HEATR4: variants seen among roughly 807,000 people sequenced by gnomAD.
The protein encoded by HEATR4 is HEAT repeat-containing protein 4.
HEATR4 carries 95 observed loss-of-function variants against 108.8 expected under a neutral mutation model. That is an observed-to-expected ratio of 0.87 (90% CI 0.74 to 1.04). The LOEUF is 1.04. HEATR4 is among the 50% of genes least tolerant of loss of function. The pLI, the probability that HEATR4 is intolerant of heterozygous loss-of-function variation, is 0.00. For missense variants in HEATR4, 1,152 were observed against 1,253.8 expected (o/e 0.92, Z 1.23); for synonymous variants, 443 against 459.4 (o/e 0.96, Z 0.46).
At chr14:73,501,398 T>G (rs1886450650) in intron 11 of HEATR4, among the ~76,000 whole-genome samples, 1 of 151,970 alleles carries the variant, frequency 6.6e-6, no homozygotes, top group Non-Finnish European at 1.5e-5. Flanking sequence ...GTGCTGGGAT[T>G]ACAGGCATGA....
intron 17 of HEATR4, among the ~76,000 whole-genome samples, chr14:73,482,902 C>A (rs1312811679): frequency 1.3e-5 from 2 of 152,172 alleles, no homozygotes; most frequent in East Asian, 3.9e-4. Flanking sequence ...CTCAGGTGAT[C>A]CACCCATCTC....
the HEATR4 span, among the ~76,000 whole-genome samples, chr14:73,576,254 C>T: frequency 7.2e-5 from 11 of 151,812 alleles, no homozygotes; most frequent in Non-Finnish European, 1.5e-5. Context: ...TGAGTTCCTC[C>T]TTTAAGAATG....
intron 15 of HEATR4, among the ~76,000 whole-genome samples, chr14:73,495,749 C>T (rs1886077223): frequency 6.6e-6 from 1 of 152,190 alleles, no homozygotes; most frequent in African/African-American, 2.4e-5. Context: ...GAATTGCTTG[C>T]TTGATGTGAA....
At chr14:73,584,874 A>G in the HEATR4 span, among the ~76,000 whole-genome samples, 1 of 151,150 alleles carries the variant, frequency 6.6e-6, no homozygotes, top group Non-Finnish European at 1.5e-5. Flanking sequence ...AATTTAGACC[A>G]GTGCATCCCA....
At chr14:73,630,401 C>T in the HEATR4 span, among the ~76,000 whole-genome samples, 6 of 152,338 alleles carry the variant, frequency 3.9e-5, no homozygotes, top group Non-Finnish European at 7.3e-5. Context: ...CCTGTTGCAA[C>T]GTTCTCGCAA....
At chr14:73,570,903 TAAAA>T in the HEATR4 span, among the ~76,000 whole-genome samples, 6 of 137,452 alleles carry the variant, frequency 4.4e-5, no homozygotes, top group African/African-American at 5.4e-5. Flanking sequence ...GACTCTATCT[TAAAA>T]AAAAAAAAAA....
chr14:73,589,906 G>A, the HEATR4 span, among the ~76,000 whole-genome samples: 2 of 152,138 alleles, frequency 1.3e-5, no homozygotes, highest in Admixed American at 6.6e-5. Flanking sequence ...GAGTGTTACA[G>A]CTCTTAAGGC....
chr14:73,522,805 A>T lies in HEATR4; in HGVS notation c.348T>A (p.Pro116=). The T allele has an allele frequency of 6.2e-7, 1 of 1,614,128 alleles. No homozygotes were observed. Among genetic ancestry groups the T allele is most frequent in the Middle Eastern group, 1.6e-4 (1 of 6,062 alleles). ...AGGAACCCAGGAACTTGAAGCTAAC[A>T]GGTTTCTGAGGCCGGGCCTTCCTGA... ...PQIRKARPQK[P]VSFKFLGSSS... is the part of the protein sequence containing the mutation. The change falls in exon 3 of 18, where the codon CCT becomes CCA. Residue 116 remains proline (P), a synonymous_variant. Coordinates refer to ENST00000553558, the MANE Select transcript of HEATR4 (RefSeq NM_001220484.1).
chr14:73,569,824 G>C, the HEATR4 span: 1 of 1,600,808 alleles, frequency 6.2e-7, no homozygotes, highest in South Asian at 1.1e-5. Context: ...CTCCCGCCCG[G>C]GGTGCGGCGC....
chr14:73,583,443 C>T, the HEATR4 span, among the ~76,000 whole-genome samples: 4 of 151,868 alleles, frequency 2.6e-5, no homozygotes, highest in African/African-American at 9.7e-5. Context: ...AGCCCTTTAC[C>T]CTCCATGATC....
Position 73,519,140 on chromosome 14 carries a change from T to C in HEATR4, c.1093A>G (p.Ile365Val), listed in dbSNP as rs1423126813. 1.2e-6 allele frequency: 2 copies of C among 1,613,372 alleles called. No individual in the cohort carries two copies. Among genetic ancestry groups the C allele is most frequent in the Non-Finnish European group, 1.7e-6 (2 of 1,179,710 alleles). Residue 365 changes from isoleucine (I) to valine (V), a missense_variant, in exon 5 of 18, where the codon ATT (isoleucine) becomes GTT (valine). Coordinates refer to ENST00000553558, the MANE Select transcript of HEATR4 (RefSeq NM_001220484.1). ...YFDEVQIIHQ[I>V]GAKRDQIVLE... Reference sequence around the variant, plus strand: ...ACAATCTGGTCTCTCTTTGCACCAATCTGGTGGATGATCTGGACTTCATCT... The same window carrying C: ...ACAATCTGGTCTCTCTTTGCACCAACCTGGTGGATGATCTGGACTTCATCT...
At chr14:73,620,888 C>A in the HEATR4 span, among the ~76,000 whole-genome samples, 2 of 151,630 alleles carry the variant, frequency 1.3e-5, no homozygotes, top group South Asian at 4.2e-4. Context: ...CTTGCCCATA[C>A]ACATTGCTGA....
chr14:73,506,804 G>GTTTTTTT (rs34660727), intron 9 of HEATR4, among the ~76,000 whole-genome samples: 11,409 of 80,076 alleles, frequency 0.14, 2,219 homozygotes, highest in Non-Finnish European at 0.18. Context: ...GACTTTAACT[G>GTTTTTTT]TTTTTTTTTT....
chr14:73,627,689 G>T, the HEATR4 span, among the ~76,000 whole-genome samples: 12 of 152,220 alleles, frequency 7.9e-5, no homozygotes, highest in African/African-American at 2.4e-4. Context: ...CCCATTTCTG[G>T]GTTTTTATGG....
intron 17 of HEATR4, among the ~76,000 whole-genome samples, chr14:73,487,675 G>A (rs1885504154): frequency 6.6e-6 from 1 of 152,146 alleles, no homozygotes; most frequent in South Asian, 2.1e-4. Flanking sequence ...AAAGGCATAA[G>A]GAAGTCTTTT....
Position 73,506,459 on chromosome 14 carries a change from A to T in HEATR4, c.1986+8T>A. 6.2e-7 allele frequency: 1 copy of T among 1,607,718 alleles called. No homozygotes were observed. Among genetic ancestry groups the T allele is most frequent in the Non-Finnish European group, 8.5e-7 (1 of 1,174,978 alleles). Reference sequence around the variant, plus strand: ...CTTTCTGTCCTGGAGGCAAAGAAAGAGGTTTACCAAGCAGACATTTCCACT... The same window carrying T: ...CTTTCTGTCCTGGAGGCAAAGAAAGTGGTTTACCAAGCAGACATTTCCACT... On this transcript the variant is annotated splice_region_variant and intron_variant, in intron 10 of 17. Transcript: ENST00000553558.
chr14:73,626,443 TG>T, the HEATR4 span, among the ~76,000 whole-genome samples: 92 of 152,294 alleles, frequency 6.0e-4, no homozygotes, highest in African/African-American at 2.0e-3. Flanking sequence ...CTATGAAGGC[TG>T]GGAGAAGTTA....
the HEATR4 span, chr14:73,619,860 T>A: frequency 1.9e-5 from 30 of 1,540,980 alleles, no homozygotes; most frequent in Non-Finnish European, 2.6e-5. Flanking sequence ...ACAGACCAGA[T>A]ACCATTAATA....
the HEATR4 span, among the ~76,000 whole-genome samples, chr14:73,586,762 G>A: frequency 6.6e-6 from 1 of 151,130 alleles, no homozygotes; most frequent in Non-Finnish European, 1.5e-5. Flanking sequence ...CAGAGCTGGA[G>A]TGCATTGGTG....
Sources: gnomAD v4.1 joint callset for allele counts (sites outside exome capture counted in the v4.1 genomes callset) on GRCh38, gnomAD v4.1.1 for gene constraint, MANE v1.5 for transcripts, NCBI Gene and HGNC (gene_info 2026-07-23, HGNC 2026-07-21) for gene names.